The following LDAH variants were observed in gnomAD, a reference collection of about 807,000 sequenced individuals.
LDAH encodes the protein lipid droplet associated hydrolase.
A neutral mutation model predicts 29.6 loss-of-function variants in LDAH; 26 were observed. The ratio of observed to expected loss-of-function variants is 0.88; its 90% CI spans 0.64 to 1.22. LDAH has a LOEUF of 1.22. LDAH is among the 50% of genes most tolerant of loss of function. The pLI, the probability that LDAH is intolerant of heterozygous loss-of-function variation, is 0.00. For synonymous variants in LDAH, 117 were observed against 133.0 expected (o/e 0.88, Z 0.83); for missense variants, 344 against 387.3 (o/e 0.89, Z 0.94).
At chr2:20,789,860 T>A (rs192828446) in intron 3 of LDAH, among the ~76,000 whole-genome samples, 1 of 152,188 alleles carries the variant, frequency 6.6e-6, no homozygotes, top group African/African-American at 2.4e-5. Context: ...AACAGTTTCA[T>A]CCCGAAACCA....
chr2:20,757,027 T>A (rs1668387394), intron 4 of LDAH, among the ~76,000 whole-genome samples: 1 of 152,236 alleles, frequency 6.6e-6, no homozygotes, highest in African/African-American at 2.4e-5. Flanking sequence ...TGGCAGGCTA[T>A]CTTGTTGGAG....
intron 1 of LDAH, among the ~76,000 whole-genome samples, chr2:20,812,290 T>C (rs999431767): frequency 5.9e-5 from 9 of 152,222 alleles, no homozygotes; most frequent in Non-Finnish European, 1.3e-4. Flanking sequence ...GGGAACCTTT[T>C]CCTCTCCTAT....
chr2:20,683,019 A>T (rs1255526888), downstream of LDAH, among the ~76,000 whole-genome samples: 1 of 151,762 alleles, frequency 6.6e-6, no homozygotes, highest in Non-Finnish European at 1.5e-5. Flanking sequence ...ACTAGGGGCA[A>T]CCTCATCCTC....
At chr2:20,754,500 CAAA>C (rs61076745) in intron 4 of LDAH, among the ~76,000 whole-genome samples, 13 of 77,432 alleles carry the variant, frequency 1.7e-4, no homozygotes, top group African/African-American at 2.2e-4. Flanking sequence ...ACCCTCGCCA[CAAA>C]AAAAAAAAAA....
At chr2:20,691,240 T>C (rs760119474) in intron 6 of LDAH, among the ~76,000 whole-genome samples, 5 of 152,216 alleles carry the variant, frequency 3.3e-5, no homozygotes, top group Non-Finnish European at 5.9e-5. Flanking sequence ...AGTGGTGTGA[T>C]CTCAGCTTAC....
At chr2:20,765,654 G>GGATGGGCTGGGCTGA (rs1668980517) in intron 4 of LDAH, among the ~76,000 whole-genome samples, 2 of 152,114 alleles carry the variant, frequency 1.3e-5, no homozygotes, top group Non-Finnish European at 2.9e-5. Flanking sequence ...ATTCAGTGGC[G>GGATGGGCTGGGCTGA]GATGGGCTGG....
At chr2:20,688,828 C>CTTTT (rs57543886) in intron 6 of LDAH, among the ~76,000 whole-genome samples, 12 of 111,986 alleles carry the variant, frequency 1.1e-4, no homozygotes, top group East Asian at 2.6e-4. Context: ...TGGAGGTTTC[C>CTTTT]TTTTTTTTTT....
intron 1 of LDAH, among the ~76,000 whole-genome samples, chr2:20,818,314 T>A (rs1046858702): frequency 6.6e-6 from 1 of 152,156 alleles, no homozygotes; most frequent in Non-Finnish European, 1.5e-5. Flanking sequence ...TATATATGTA[T>A]TTAATTGCAA....
At chr2:20,695,454 CTTT>C (rs558163112) in intron 6 of LDAH, among the ~76,000 whole-genome samples, 2 of 124,658 alleles carry the variant, frequency 1.6e-5, no homozygotes. Context: ...GACACTCTTT[CTTT>C]TTTTTTTTTT....
intron 3 of LDAH, among the ~76,000 whole-genome samples, chr2:20,781,018 G>A (rs1038329650): frequency 2.0e-5 from 3 of 152,124 alleles, no homozygotes; most frequent in Non-Finnish European, 4.4e-5. Flanking sequence ...GGATAAGCAT[G>A]ACTCAAATTC....
At chr2:20,760,270 A>G (rs768642273) in intron 4 of LDAH, among the ~76,000 whole-genome samples, 2 of 152,206 alleles carry the variant, frequency 1.3e-5, no homozygotes, top group Non-Finnish European at 2.9e-5. Context: ...TGCTGATACT[A>G]ACTTAGGGCC....
intron 2 of LDAH, among the ~76,000 whole-genome samples, chr2:20,796,123 A>C (rs988287025): frequency 6.6e-6 from 1 of 152,170 alleles, no homozygotes; most frequent in African/African-American, 2.4e-5. Context: ...GCTTCCCTCC[A>C]TTCTCAGTGT....
intron 3 of LDAH, among the ~76,000 whole-genome samples, chr2:20,786,415 C>T (rs1670558237): frequency 6.6e-6 from 1 of 152,128 alleles, no homozygotes; most frequent in Admixed American, 6.5e-5. Context: ...GTCAAGCACT[C>T]CTAACCTCAA....
In LDAH at chr2:20,790,353, A is replaced by G; in HGVS notation, c.200T>C (p.Leu67Ser). Residue 67 changes from leucine to serine, a missense_variant, in exon 3 of 7, where the codon TTA becomes TCA. Physicochemically the swap from Leu to Ser is moderately radical, Grantham distance 145. Coordinates refer to ENST00000237822, the MANE Select transcript of LDAH (RefSeq NM_021925.4). ...AAAGCGTCTGTTTGTCAAAGAGTAT[A>G]AAGCCTTTGCAAATGGCACATAAAA... Reference protein sequence around the residue: ...SAFYVPFAKALYSLTNRRFPV... With the variant: ...SAFYVPFAKASYSLTNRRFPV... 1.2e-6 allele frequency: 2 copies of G among 1,614,162 alleles called. No homozygotes were observed. Among genetic ancestry groups the G allele is most frequent in the Non-Finnish European group, 1.7e-6 (2 of 1,179,986 alleles).
chr2:20,783,997 A>G (rs1670381215), intron 3 of LDAH, among the ~76,000 whole-genome samples: 1 of 152,218 alleles, frequency 6.6e-6, no homozygotes, highest in Non-Finnish European at 1.5e-5. Flanking sequence ...ACGGGCGTGT[A>G]TAACTGTGCC....
chr2:20,705,237 G>A (rs4971518), intron 5 of LDAH, among the ~76,000 whole-genome samples: 9,160 of 152,220 alleles, frequency 0.06, 376 homozygotes, highest in East Asian at 0.13. Context: ...AGCATCCAAG[G>A]TTTATGATTT....
intron 5 of LDAH, among the ~76,000 whole-genome samples, chr2:20,723,737 T>C (rs1022114160): frequency 2.0e-5 from 3 of 152,150 alleles, no homozygotes; most frequent in Admixed American, 2.0e-4. Flanking sequence ...ATTTCCTAAG[T>C]GGAAAACACA....
chr2:20,772,490 C>T (rs977562837), intron 4 of LDAH, among the ~76,000 whole-genome samples: 10 of 152,194 alleles, frequency 6.6e-5, no homozygotes, highest in Non-Finnish European at 1.5e-4. Flanking sequence ...GACTGCACAA[C>T]ACACAAGTGA....
At chr2:20,688,482 T>C (rs896322371) in intron 6 of LDAH, among the ~76,000 whole-genome samples, 2 of 152,098 alleles carry the variant, frequency 1.3e-5, no homozygotes, top group Non-Finnish European at 2.9e-5. Flanking sequence ...TGAAGTGACA[T>C]GCTGAGGTCC....
Sources: gnomAD v4.1 joint callset for allele counts (sites outside exome capture counted in the v4.1 genomes callset) on GRCh38, gnomAD v4.1.1 for gene constraint, MANE v1.5 for transcripts, NCBI Gene and HGNC (gene_info 2026-07-23, HGNC 2026-07-21) for gene names.